Variants in THNSL1 observed in about 807,000 individuals in gnomAD.
THNSL1 encodes the protein threonine synthase like 1, also known as threonine synthase-like 1.
Under a neutral mutation model 50.4 loss-of-function variants are expected in THNSL1, and 48 were observed. The ratio of observed to expected loss-of-function variants is 0.95; its 90% CI spans 0.76 to 1.21. The LOEUF is 1.21. THNSL1 is among the 50% of genes most tolerant of loss of function. The pLI is 0.00. For missense variants in THNSL1, 896 were observed against 871.7 expected (o/e 1.03, Z -0.35); for synonymous variants, 309 against 306.1 (o/e 1.01, Z -0.10).
At chr10:24,968,076 G>A in the THNSL1 span, among the ~76,000 whole-genome samples, 1 of 151,834 alleles carries the variant, frequency 6.6e-6, no homozygotes, top group South Asian at 2.1e-4. Flanking sequence ...CATCATCACT[G>A]GGATGCTGCA....
chr10:25,003,317 A>G, the THNSL1 span, among the ~76,000 whole-genome samples: 1 of 152,148 alleles, frequency 6.6e-6, no homozygotes, highest in East Asian at 1.9e-4. Context: ...AATGATTCTC[A>G]TGCCTCTGCC....
chr10:24,980,711 TTTTGTTTG>T, the THNSL1 span, among the ~76,000 whole-genome samples: 40 of 152,156 alleles, frequency 2.6e-4, no homozygotes, highest in African/African-American at 8.9e-4. Flanking sequence ...GTTGGGTGTT[TTTTGTTTG>T]TTTGTTTGTT....
At chr10:25,007,370 G>C in the THNSL1 span, among the ~76,000 whole-genome samples, 1 of 152,168 alleles carries the variant, frequency 6.6e-6, no homozygotes, top group Admixed American at 6.5e-5. Context: ...AAATGCCAGA[G>C]AGGTGTGCTA....
chr10:25,003,715 T>C, the THNSL1 span, among the ~76,000 whole-genome samples: 1 of 152,204 alleles, frequency 6.6e-6, no homozygotes, highest in African/African-American at 2.4e-5. Context: ...CATGTGCAGA[T>C]TTGTTATATA....
upstream of THNSL1, among the ~76,000 whole-genome samples, chr10:25,013,899 G>A (rs1850506090): frequency 6.6e-6 from 1 of 151,904 alleles, no homozygotes; most frequent in South Asian, 2.1e-4. Flanking sequence ...CCAAGATGGC[G>A]CCATTGCACT....
the THNSL1 span, among the ~76,000 whole-genome samples, chr10:24,994,530 C>G: frequency 6.6e-6 from 1 of 151,738 alleles, no homozygotes; most frequent in African/African-American, 2.4e-5. Context: ...GATGGGGTGT[C>G]ACCATGTTGG....
chr10:24,958,846 A>G, the THNSL1 span, among the ~76,000 whole-genome samples: 2 of 152,138 alleles, frequency 1.3e-5, no homozygotes, highest in Non-Finnish European at 1.5e-5. Flanking sequence ...TCCCCTTCTG[A>G]CCGGAACAGG....
the THNSL1 span, among the ~76,000 whole-genome samples, chr10:24,978,165 T>C: frequency 6.6e-6 from 1 of 152,200 alleles, no homozygotes; most frequent in Admixed American, 6.5e-5. Context: ...TAATTGGTAT[T>C]CACTTACTCT....
chr10:25,009,382 T>C, the THNSL1 span, among the ~76,000 whole-genome samples: 5 of 152,212 alleles, frequency 3.3e-5, no homozygotes, highest in African/African-American at 1.2e-4. Context: ...ATTTGGAGTT[T>C]CAGTCACCAC....
the THNSL1 span, among the ~76,000 whole-genome samples, chr10:24,978,873 T>C: frequency 5.9e-5 from 9 of 152,220 alleles, no homozygotes; most frequent in Admixed American, 6.5e-5. Flanking sequence ...GTTCTGTTTC[T>C]TTGTATTACA....
the THNSL1 span, among the ~76,000 whole-genome samples, chr10:24,970,465 T>A: frequency 6.6e-6 from 1 of 151,994 alleles, no homozygotes; most frequent in East Asian, 1.9e-4. Context: ...ATCTCAGCAC[T>A]TTGGGAGGCA....
At chr10:25,009,620 A>G in the THNSL1 span, among the ~76,000 whole-genome samples, 17 of 152,198 alleles carry the variant, frequency 1.1e-4, no homozygotes, top group Non-Finnish European at 2.2e-4. Context: ...GCCATGTGAT[A>G]TGGTTTTGCT....
In THNSL1 at chr10:25,024,922, C is replaced by T. The variant is rs758413188; in HGVS notation, c.1699C>T (p.Leu567Phe). ...AACCTTTTCACCGTCAATAGATATT[C>T]TCAAATCTTCAAACCTAGAACGACA... ...AQTFSPSIDI[L>F]KSSNLERHLH... Residue 567 changes from leucine to phenylalanine, a missense_variant, in exon 3 of 3, where the codon CTC becomes TTC. Coordinates refer to ENST00000376356, the MANE Select transcript of THNSL1 (RefSeq NM_024838.5). The T allele has an allele frequency of 6.2e-7, 1 of 1,613,880 alleles. No individual in the cohort carries two copies. Among genetic ancestry groups the T allele is most frequent in the Admixed American group, 1.7e-5 (1 of 60,006 alleles).
chr10:24,983,255 G>A, the THNSL1 span: 1 of 152,138 alleles, frequency 6.6e-6, no homozygotes, highest in African/African-American at 2.4e-5. Flanking sequence ...TGCTTACTTA[G>A]CGATGCAAAC....
At chr10:24,981,925 C>G in the THNSL1 span, 4 of 152,160 alleles carry the variant, frequency 2.6e-5, no homozygotes, top group African/African-American at 7.2e-5. Flanking sequence ...GTCAAATTCT[C>G]TATCCTCCAA....
chr10:24,978,280 G>GT, the THNSL1 span, among the ~76,000 whole-genome samples: 195 of 148,550 alleles, frequency 1.3e-3, no homozygotes, highest in Non-Finnish European at 2.1e-3. Flanking sequence ...TGAACACATA[G>GT]TTTTTTTTTT....
chr10:25,020,272 A>ATCTATG (rs1354491265), intron 1 of THNSL1, among the ~76,000 whole-genome samples: 47 of 137,506 alleles, frequency 3.4e-4, no homozygotes, highest in Admixed American at 3.0e-3. Flanking sequence ...CTATATCTAT[A>ATCTATG]TCTATATATA....
In THNSL1 at chr10:25,025,201, G is replaced by A. The variant is rs984114516; in HGVS notation, c.1978G>A (p.Val660Met). ...TAGGGTGCAAGACAAAACTTGCCCT[G>A]TGATTATCTCATCTACAGCCCATTA... ...ADRVQDKTCP[V>M]IISSTAHYSK... The change falls in exon 3 of 3, where the codon GTG becomes ATG. Residue 660 changes from valine to methionine, a missense_variant. Transcript: ENST00000376356. 6.2e-7 allele frequency: 1 copy of A among 1,614,062 alleles called. No individual in the cohort carries two copies. The highest frequency in any genetic ancestry group is 1.3e-5 in the African/African-American group (1 of 74,936).
chr10:24,964,310 G>A, the THNSL1 span, among the ~76,000 whole-genome samples: 4 of 152,310 alleles, frequency 2.6e-5, no homozygotes, highest in African/African-American at 7.2e-5. Flanking sequence ...GAAAATGTTA[G>A]GCTCATAGCT....
Sources: gnomAD v4.1 joint callset for allele counts (sites outside exome capture counted in the v4.1 genomes callset) on GRCh38, gnomAD v4.1.1 for gene constraint, MANE v1.5 for transcripts, NCBI Gene and HGNC (gene_info 2026-07-23, HGNC 2026-07-21) for gene names.